CORO2B: variants seen among roughly 807,000 people sequenced by gnomAD.
CORO2B encodes coronin 2B.
CORO2B carries 26 observed loss-of-function variants against 58.8 expected under a neutral mutation model. The observed-to-expected ratio is 0.44, with a 90% confidence interval of 0.32 to 0.61. The LOEUF (loss-of-function observed/expected upper bound fraction) is 0.61, where lower values mean the gene tolerates loss of function less well. Among genes scored for constraint, CORO2B ranks in the 20% least tolerant of loss-of-function variants. CORO2B has a pLI of 0.04. For missense variants in CORO2B, 460 were observed against 645.1 expected (o/e 0.71, Z 3.11); for synonymous variants, 242 against 253.8 (o/e 0.95, Z 0.44).
intron 2 of CORO2B, among the ~76,000 whole-genome samples, chr15:68,669,805 C>A (rs1902324407): frequency 2.0e-5 from 3 of 151,820 alleles, no homozygotes; most frequent in Admixed American, 2.0e-4. Context: ...GCCTATAATC[C>A]CAGCACTTCA....
the CORO2B span, among the ~76,000 whole-genome samples, chr15:68,543,701 AC>A: frequency 6.6e-6 from 1 of 151,076 alleles, no homozygotes; most frequent in East Asian, 2.0e-4. Flanking sequence ...ACTTCTATCG[AC>A]TCCTATGCCT....
intron 1 of CORO2B, among the ~76,000 whole-genome samples, chr15:68,621,005 T>G (rs1034081915): frequency 6.6e-6 from 1 of 152,236 alleles, no homozygotes; most frequent in Non-Finnish European, 1.5e-5. Context: ...AAGCTATTAC[T>G]TTCTGAAGGA....
intron 5 of CORO2B, 61 bp downstream of exon 5, chr15:68,711,767 C>A: frequency 6.3e-7 from 1 of 1,594,470 alleles, no homozygotes; most frequent in Non-Finnish European, 8.6e-7. Flanking sequence ...GCTCAGCTTT[C>A]AGCAGGCCTG....
At chr15:68,591,409 G>GT (rs1899702833) in intron 1 of CORO2B, among the ~76,000 whole-genome samples, 1 of 152,232 alleles carries the variant, frequency 6.6e-6, no homozygotes, top group South Asian at 2.1e-4. Flanking sequence ...TGGAGGGGCT[G>GT]TATGTGGCTG....
the CORO2B span, among the ~76,000 whole-genome samples, chr15:68,545,505 T>C: frequency 1.3e-5 from 2 of 151,640 alleles, no homozygotes; most frequent in African/African-American, 4.8e-5. Flanking sequence ...GGGTTCCCCA[T>C]TGGCCTTCCC....
intron 1 of CORO2B, among the ~76,000 whole-genome samples, chr15:68,609,836 T>C (rs1900207270): frequency 6.6e-6 from 1 of 152,156 alleles, no homozygotes; most frequent in Admixed American, 6.5e-5. Flanking sequence ...CGTCACTGAC[T>C]GTGATGGCAG....
At chr15:68,617,668 G>A (rs981476230) in intron 1 of CORO2B, among the ~76,000 whole-genome samples, 19 of 152,256 alleles carry the variant, frequency 1.2e-4, no homozygotes, top group Non-Finnish European at 2.5e-4. Context: ...TTTTGGGTGG[G>A]CAATGCTGGC....
At chr15:68,614,537 A>T in intron 1 of CORO2B, among the ~76,000 whole-genome samples, 1 of 152,188 alleles carries the variant, frequency 6.6e-6, no homozygotes, top group Non-Finnish European at 1.5e-5. Context: ...TGCTGGAGAA[A>T]CTATTTTAAA....
the CORO2B span, among the ~76,000 whole-genome samples, chr15:68,526,448 G>A: frequency 0.083 from 12,604 of 152,252 alleles, 628 homozygotes; most frequent in Middle Eastern, 0.16. Context: ...TCTAATGGGT[G>A]TGTAGTCATA....
At chr15:68,641,700 T>A in intron 1 of CORO2B, 3 of 426,716 alleles carry the variant, frequency 7.0e-6, no homozygotes, top group Middle Eastern at 1.1e-3. Context: ...CCCTTGGAGG[T>A]GATGGGGATG....
rs996347967 is a variant in CORO2B, at chr15:68,714,057, G to T, written c.765+16G>T. On this transcript the variant is annotated intron_variant, in intron 6 of 11. Coordinates refer to ENST00000261861, the MANE Select transcript of CORO2B (RefSeq NM_006091.5). Reference sequence around the variant, plus strand: ...CTGGGACCAGGTCAGCCACGGGGAGGCCTGCTGGGTTTGGGCTAAAGGAAG... The same window carrying T: ...CTGGGACCAGGTCAGCCACGGGGAGTCCTGCTGGGTTTGGGCTAAAGGAAG... 1.4e-5 allele frequency: 22 copies of T among 1,565,466 alleles called. No homozygotes were observed. Among genetic ancestry groups the T allele is most frequent in the Non-Finnish European group, 1.9e-5 (22 of 1,136,426 alleles).
chr15:68,656,187 C>A (rs1250509566), intron 2 of CORO2B, among the ~76,000 whole-genome samples: 1 of 141,616 alleles, frequency 7.1e-6, no homozygotes, highest in Non-Finnish European at 1.5e-5. Context: ...GCCCCCCGAC[C>A]CAACCAACCC....
intron 1 of CORO2B, 92 bp downstream of exon 1, chr15:68,579,369 AG>A (rs2140551952): frequency 2.6e-6 from 3 of 1,143,702 alleles, no homozygotes; most frequent in Admixed American, 4.7e-5. Flanking sequence ...GGGTGTGGGG[AG>A]GGGGCGCCGG....
At chr15:68,566,945 G>A in the CORO2B span, among the ~76,000 whole-genome samples, 111,803 of 152,150 alleles carry the variant, frequency 0.73, 41,723 homozygotes, top group East Asian at 0.87. Flanking sequence ...AAGAGGCAGC[G>A]TGTCCAATAA....
the CORO2B span, among the ~76,000 whole-genome samples, chr15:68,550,481 C>T: frequency 1.3e-5 from 2 of 152,200 alleles, no homozygotes; most frequent in Non-Finnish European, 2.9e-5. Flanking sequence ...CTCTCTCAAG[C>T]TCAGTTTCAT....
intron 11 of CORO2B, among the ~76,000 whole-genome samples, chr15:68,725,309 C>CA (rs1893266944): frequency 6.6e-6 from 1 of 152,080 alleles, no homozygotes; most frequent in African/African-American, 2.4e-5. Flanking sequence ...ACAGAGGTTG[C>CA]AGTGAGCCGA....
At chr15:68,591,086 G>A (rs1899694172) in intron 1 of CORO2B, among the ~76,000 whole-genome samples, 1 of 152,228 alleles carries the variant, frequency 6.6e-6, no homozygotes, top group Non-Finnish European at 1.5e-5. Context: ...GGGGACACAG[G>A]CTGCAGGACT....
chr15:68,693,921 C>T (rs779927135), intron 2 of CORO2B, among the ~76,000 whole-genome samples: 6 of 152,210 alleles, frequency 3.9e-5, no homozygotes, highest in East Asian at 1.9e-4. Context: ...CCGCAACCTC[C>T]GCCTCCTGGG....
intron 2 of CORO2B, among the ~76,000 whole-genome samples, chr15:68,687,558 T>C (rs1412202770): frequency 1.3e-5 from 2 of 152,254 alleles, no homozygotes; most frequent in East Asian, 1.9e-4. Context: ...CATGGCTGCC[T>C]GAGTGCATGC....
Sources: gnomAD v4.1 joint callset for allele counts (sites outside exome capture counted in the v4.1 genomes callset) on GRCh38, gnomAD v4.1.1 for gene constraint, MANE v1.5 for transcripts, NCBI Gene and HGNC (gene_info 2026-07-23, HGNC 2026-07-21) for gene names.